TUSC3: variants seen among roughly 807,000 people sequenced by gnomAD.
The protein encoded by TUSC3 is tumor suppressor candidate 3.
Under a neutral mutation model 44.8 loss-of-function variants are expected in TUSC3, and 45 were observed. The observed-to-expected ratio is 1.00, with a 90% confidence interval of 0.79 to 1.29. TUSC3 has a LOEUF of 1.29. Among genes scored for constraint, TUSC3 ranks in the 50% most tolerant of loss-of-function variants. TUSC3 has a pLI of 0.00. For synonymous variants in TUSC3, 212 were observed against 152.9 expected (o/e 1.39, Z -2.85); for missense variants, 519 against 437.9 (o/e 1.19, Z -1.65).
At chr8:15,726,959 G>A (rs1045974300) in intron 6 of TUSC3, among the ~76,000 whole-genome samples, 19 of 152,068 alleles carry the variant, frequency 1.2e-4, no homozygotes, top group African/African-American at 4.6e-4. Context: ...CTATTCACCT[G>A]ATCTGAAAAT....
chr8:15,531,254 C>T (rs558563195), intron 2 of TUSC3, among the ~76,000 whole-genome samples: 1 of 152,160 alleles, frequency 6.6e-6, no homozygotes, highest in Non-Finnish European at 1.5e-5. Flanking sequence ...CATTCCTGCT[C>T]TAAAGCTATT....
the TUSC3 span, among the ~76,000 whole-genome samples, chr8:15,800,518 A>G: frequency 3.3e-4 from 50 of 151,472 alleles, no homozygotes; most frequent in Non-Finnish European, 8.8e-5. Context: ...GGCTGCAGTG[A>G]GCTGAGATCA....
At chr8:15,418,808 C>T (rs917849838) in intron 1 of TUSC3, among the ~76,000 whole-genome samples, 1 of 152,116 alleles carries the variant, frequency 6.6e-6, no homozygotes, top group Non-Finnish European at 1.5e-5. Context: ...CAGTTCAAGA[C>T]CAGCCTGGGC....
At chr8:15,702,833 T>C (rs1343482938) in intron 6 of TUSC3, among the ~76,000 whole-genome samples, 1 of 152,194 alleles carries the variant, frequency 6.6e-6, no homozygotes, top group African/African-American at 2.4e-5. Flanking sequence ...GCTTTTCTAA[T>C]AGCTTCATCA....
chr8:15,421,983 T>G (rs1250066294), intron 1 of TUSC3, among the ~76,000 whole-genome samples: 2 of 152,218 alleles, frequency 1.3e-5, no homozygotes, highest in Non-Finnish European at 2.9e-5. Flanking sequence ...TCTGGGAGCA[T>G]CATAATGTAC....
intron 6 of TUSC3, among the ~76,000 whole-genome samples, chr8:15,724,501 TG>T: frequency 6.6e-6 from 1 of 152,316 alleles, no homozygotes; most frequent in South Asian, 2.1e-4. Flanking sequence ...TTAGAAGTGT[TG>T]TCAAGGAAAA....
intron 3 of TUSC3, among the ~76,000 whole-genome samples, chr8:15,653,536 T>TTG (rs1807012769): frequency 6.6e-6 from 1 of 152,316 alleles, no homozygotes; most frequent in African/African-American, 2.4e-5. Flanking sequence ...TTGAAGTCAG[T>TTG]TGTTTTTAAT....
At chr8:15,754,927 TA>T (rs1811861886) in intron 9 of TUSC3, among the ~76,000 whole-genome samples, 1 of 152,138 alleles carries the variant, frequency 6.6e-6, no homozygotes, top group Non-Finnish European at 1.5e-5. Context: ...CTTAAACATC[TA>T]TGCCCTTCAT....
At chr8:15,814,155 T>G in the TUSC3 span, among the ~76,000 whole-genome samples, 1 of 152,212 alleles carries the variant, frequency 6.6e-6, no homozygotes, top group East Asian at 1.9e-4. Context: ...AGGTTTCTCT[T>G]ACCAGAATGA....
At chr8:15,777,065 A>T in the TUSC3 span, among the ~76,000 whole-genome samples, 3 of 152,180 alleles carry the variant, frequency 2.0e-5, no homozygotes, top group Non-Finnish European at 2.9e-5. Flanking sequence ...TTTAAGTCTT[A>T]CAAGGTTCTT....
chr8:15,779,067 G>C, the TUSC3 span, among the ~76,000 whole-genome samples: 1 of 149,684 alleles, frequency 6.7e-6, no homozygotes, highest in Non-Finnish European at 1.5e-5. Context: ...TCCTGGGTAA[G>C]TACTAGAAGC....
chr8:15,549,450 G>C (rs1226299658), intron 1 of TUSC3, among the ~76,000 whole-genome samples: 1 of 151,734 alleles, frequency 6.6e-6, no homozygotes, highest in African/African-American at 2.4e-5. Context: ...GGGATTACAG[G>C]CGTGAGCCAC....
At chr8:15,459,364 G>A (rs745354245) in intron 1 of TUSC3, among the ~76,000 whole-genome samples, 41 of 151,940 alleles carry the variant, frequency 2.7e-4, no homozygotes, top group Non-Finnish European at 5.3e-4. Context: ...ACTGTGATTT[G>A]AAGAAACTCT....
chr8:15,768,029 T>A (rs189415495), downstream of TUSC3, among the ~76,000 whole-genome samples: 38 of 152,316 alleles, frequency 2.5e-4, no homozygotes, highest in South Asian at 3.7e-3. Flanking sequence ...CTTGCTGATA[T>A]TAATATTTAC....
upstream of TUSC3, among the ~76,000 whole-genome samples, chr8:15,537,785 C>G (rs11784357): frequency 0.2 from 30,508 of 151,898 alleles, 3,044 homozygotes; most frequent in Middle Eastern, 0.26. Flanking sequence ...AAGAAATTAC[C>G]ACAAGTTGGG....
Position 15,765,804 on chromosome 8 carries a change from C to T in TUSC3, c.*1648C>T, listed in dbSNP as rs1361838484. Reference sequence around the variant, plus strand: ...TGCCTATCACTAGGCAGAACTTGACCTGTAATTCTTAATCCATTGTAGATT... The same window carrying T: ...TGCCTATCACTAGGCAGAACTTGACTTGTAATTCTTAATCCATTGTAGATT... On this transcript the variant is annotated 3_prime_UTR_variant, in exon 11 of 11. Coordinates refer to ENST00000503731, the MANE Select transcript of TUSC3 (RefSeq NM_006765.4). The T allele has an allele frequency of 6.6e-6, 1 of 151,964 alleles. No homozygotes were observed. The highest frequency in any genetic ancestry group is 1.5e-5 in the Non-Finnish European group (1 of 67,950). 9.4% of individuals were successfully genotyped at this position (151,964 alleles called of 1,614,324 possible). A position where few individuals can be genotyped will look rare whatever the true frequency, so the allele number is the denominator to read the frequency against.
intron 2 of TUSC3, among the ~76,000 whole-genome samples, chr8:15,520,562 T>G (rs559456498): frequency 2.0e-5 from 3 of 152,344 alleles, no homozygotes; most frequent in South Asian, 4.1e-4. Context: ...TTCCTGCCTC[T>G]GTGTTGTATT....
intron 1 of TUSC3, among the ~76,000 whole-genome samples, chr8:15,442,406 A>G (rs1363423229): frequency 6.6e-6 from 1 of 152,266 alleles, no homozygotes; most frequent in African/African-American, 2.4e-5. Context: ...TAAAGTTATT[A>G]GAAGGGCTAA....
chr8:15,670,156 A>G (rs1807879864), intron 5 of TUSC3, among the ~76,000 whole-genome samples: 3 of 151,858 alleles, frequency 2.0e-5, no homozygotes, highest in Non-Finnish European at 4.4e-5. Context: ...GGTAGACTCA[A>G]CGTTGTAAAG....
Sources: gnomAD v4.1 joint callset for allele counts (sites outside exome capture counted in the v4.1 genomes callset) on GRCh38, gnomAD v4.1.1 for gene constraint, MANE v1.5 for transcripts, NCBI Gene and HGNC (gene_info 2026-07-23, HGNC 2026-07-21) for gene names.